Variants in AVEN observed in about 807,000 individuals in gnomAD.
The protein encoded by AVEN is apoptosis and caspase activation inhibitor.
In AVEN, 41 loss-of-function variants were observed where a neutral mutation model predicts 38.1. The observed-to-expected ratio is 1.08, with a 90% confidence interval of 0.84 to 1.40. The LOEUF (loss-of-function observed/expected upper bound fraction) is 1.40, where lower values mean the gene tolerates loss of function less well. AVEN is among the 40% of genes most tolerant of loss of function. The pLI, the probability that AVEN is intolerant of heterozygous loss-of-function variation, is 0.00. For synonymous variants in AVEN, 206 were observed against 171.8 expected (o/e 1.20, Z -1.56); for missense variants, 605 against 438.8 (o/e 1.38, Z -3.38).
At chr15:33,870,668 G>C (rs921898208) in intron 4 of AVEN, among the ~76,000 whole-genome samples, 5 of 152,082 alleles carry the variant, frequency 3.3e-5, no homozygotes, top group African/African-American at 9.7e-5. Context: ...TAAATATTTT[G>C]AGTAAAATAG....
chr15:33,880,161 C>A (rs974605917), intron 2 of AVEN, among the ~76,000 whole-genome samples: 4 of 152,102 alleles, frequency 2.6e-5, no homozygotes, highest in Non-Finnish European at 5.9e-5. Flanking sequence ...TTCCCCCAGT[C>A]TTGCTGAGAA....
intron 5 of AVEN, among the ~76,000 whole-genome samples, chr15:34,056,684 A>T (rs1900165283): frequency 6.6e-6 from 1 of 152,062 alleles, no homozygotes; most frequent in Admixed American, 6.6e-5. Flanking sequence ...TGCTTGAATG[A>T]TTGGGAGCAG....
chr15:33,995,825 C>G (rs1896908015), intron 2 of AVEN, among the ~76,000 whole-genome samples: 1 of 152,184 alleles, frequency 6.6e-6, no homozygotes, highest in South Asian at 2.1e-4. Context: ...CTCATTCGGA[C>G]TGGTTGGACA....
chr15:33,860,143 G>A (rs1184894699), intron 11 of AVEN, among the ~76,000 whole-genome samples: 1 of 152,154 alleles, frequency 6.6e-6, no homozygotes, highest in Non-Finnish European at 1.5e-5. Flanking sequence ...GTCAAGATTG[G>A]AGAAAGATGA....
At chr15:33,975,049 C>A (rs893171955) in intron 2 of AVEN, among the ~76,000 whole-genome samples, 3 of 152,118 alleles carry the variant, frequency 2.0e-5, no homozygotes, top group Non-Finnish European at 4.4e-5. Context: ...TTTCAAACAC[C>A]ATCTTAGATA....
intron 1 of AVEN, among the ~76,000 whole-genome samples, chr15:34,010,585 C>T (rs904241090): frequency 8.7e-5 from 2 of 23,104 alleles, no homozygotes; most frequent in Non-Finnish European, 6.8e-3. Context: ...AAAACATTCA[C>T]ACCATTTTTC....
At chr15:33,955,792 A>G (rs1051126439) in intron 2 of AVEN, among the ~76,000 whole-genome samples, 1 of 152,250 alleles carries the variant, frequency 6.6e-6, no homozygotes, top group African/African-American at 2.4e-5. Flanking sequence ...AGACACAAGC[A>G]TGACTGCACA....
At chr15:34,073,245 C>T (rs1348734558) in intron 1 of AVEN, among the ~76,000 whole-genome samples, 3 of 126,338 alleles carry the variant, frequency 2.4e-5, no homozygotes, top group Non-Finnish European at 3.2e-5. Flanking sequence ...TTAGTAGAGA[C>T]GGGGTTTCCC....
chr15:33,950,241 T>C (rs936399193), intron 2 of AVEN, among the ~76,000 whole-genome samples: 1 of 152,154 alleles, frequency 6.6e-6, no homozygotes, highest in African/African-American at 2.4e-5. Context: ...GGTCAAAGGG[T>C]ACAAACTTTC....
chr15:34,058,555 A>AAC (rs3027963), intron 5 of AVEN, among the ~76,000 whole-genome samples: 34,206 of 143,048 alleles, frequency 0.24, 3,976 homozygotes, highest in Middle Eastern at 0.33. Flanking sequence ...CTTTAATTCT[A>AAC]ACACACACAC....
intron 1 of AVEN, among the ~76,000 whole-genome samples, chr15:34,015,361 T>C (rs1053188768): frequency 5.3e-5 from 8 of 151,804 alleles, no homozygotes; most frequent in Admixed American, 3.3e-4. Context: ...CGGGCACCTG[T>C]AGTCCAGCTA....
intron 2 of AVEN, among the ~76,000 whole-genome samples, chr15:33,907,868 A>C (rs2153044730): frequency 6.6e-6 from 1 of 152,260 alleles, no homozygotes; most frequent in Non-Finnish European, 1.5e-5. Flanking sequence ...AATGGGTGAA[A>C]TGTATTATCT....
intron 5 of AVEN, among the ~76,000 whole-genome samples, chr15:34,060,312 A>G (rs1005366356): frequency 6.6e-6 from 1 of 152,224 alleles, no homozygotes; most frequent in Non-Finnish European, 1.5e-5. Flanking sequence ...TGGGAGGTGA[A>G]GAAGCATGCA....
At chr15:34,056,104 C>T (rs1900138348) in intron 5 of AVEN, among the ~76,000 whole-genome samples, 1 of 152,264 alleles carries the variant, frequency 6.6e-6, no homozygotes. Context: ...CACTAACTTC[C>T]AAAGCAGCTA....
chr15:33,918,448 T>C (rs1893245618), intron 2 of AVEN, among the ~76,000 whole-genome samples: 1 of 149,368 alleles, frequency 6.7e-6, no homozygotes, highest in Non-Finnish European at 1.5e-5. Flanking sequence ...TTCCCAGTCT[T>C]AAATTACAGC....
rs1899331921 is a variant in AVEN at position 34,039,066 on chromosome 15, C to T, written c.-20G>A. The stretch of plus-strand genomic sequence containing the variant: ...CTGCATCTGGCCGCCGCTGGCGGTG[C>T]TGAGCGCGCGGGAGCCGAGCTGCGG... On this transcript the variant is annotated 5_prime_UTR_variant, in exon 1 of 6. Transcript: ENST00000306730. 4.6e-6 allele frequency: 5 copies of T among 1,091,172 alleles called. No individual in the cohort carries two copies. Among genetic ancestry groups the T allele is most frequent in the Non-Finnish European group, 5.6e-6 (5 of 899,244 alleles). 67.6% of individuals were successfully genotyped at this position (1,091,172 alleles called of 1,614,324 possible).
At chr15:33,860,543 C>T in intron 11 of AVEN, 1 of 1,080,694 alleles carries the variant, frequency 9.3e-7, no homozygotes, top group Non-Finnish European at 1.3e-6. Flanking sequence ...TATCATTCCT[C>T]TACCCCTGAA....
chr15:33,867,467 T>C (rs747891598), intron 5 of AVEN, 28 bp downstream of exon 5: 3 of 1,540,882 alleles, frequency 1.9e-6, no homozygotes, highest in Admixed American at 4.2e-5. Flanking sequence ...AGAATCAAGA[T>C]TCACGGGGAA....
At chr15:33,981,057 AACAT>A (rs1896118422) in intron 2 of AVEN, among the ~76,000 whole-genome samples, 1 of 148,482 alleles carries the variant, frequency 6.7e-6, no homozygotes. Context: ...TTTTTATATA[AACAT>A]ACAATCACAA....
Sources: gnomAD v4.1 joint callset for allele counts (sites outside exome capture counted in the v4.1 genomes callset) on GRCh38, gnomAD v4.1.1 for gene constraint, MANE v1.5 for transcripts, NCBI Gene and HGNC (gene_info 2026-07-23, HGNC 2026-07-21) for gene names.